Variants in PIAS2 observed in about 807,000 individuals in gnomAD.
PIAS2 encodes the protein protein inhibitor of activated STAT 2.
A neutral mutation model predicts 69.7 loss-of-function variants in PIAS2; 19 were observed. That is an observed-to-expected ratio of 0.27 (90% CI 0.19 to 0.40). PIAS2 has a LOEUF of 0.40. Among genes scored for constraint, PIAS2 ranks in the 10% least tolerant of loss-of-function variants. PIAS2 has a pLI of 1.00. For synonymous variants in PIAS2, 261 were observed against 263.2 expected (o/e 0.99, Z 0.08); for missense variants, 624 against 757.0 (o/e 0.82, Z 2.06).
intron 2 of PIAS2, among the ~76,000 whole-genome samples, chr18:46,869,003 G>A (rs1048859787): frequency 2.6e-5 from 4 of 152,200 alleles, no homozygotes; most frequent in East Asian, 1.9e-4. Flanking sequence ...AAGAAAAGTC[G>A]TGGGGGTGAC....
In PIAS2 at chr18:46,846,848, C is replaced by A. The variant is rs368046700; in HGVS notation, c.727-7G>T. ...TAGGCGGTGGTGCATAGCCCTATAA[C>A]CGTAAGAAAGAAAAATTATTTCAAA... On this transcript the variant is annotated splice_region_variant and splice_polypyrimidine_tract_variant and intron_variant, in intron 5 of 13. Transcript: ENST00000585916. 4 of 1,547,094 alleles carry A rather than the reference C, an allele frequency of 2.6e-6. No homozygotes were observed. Among genetic ancestry groups the A allele is most frequent in the Admixed American group, 2.0e-5 (1 of 49,176 alleles).
chr18:46,860,913 G>A (rs1017175058), intron 3 of PIAS2, among the ~76,000 whole-genome samples: 1 of 152,116 alleles, frequency 6.6e-6, no homozygotes, highest in African/African-American at 2.4e-5. Context: ...GGTGGTCAAG[G>A]CTGCAACAAG....
chr18:46,848,231 C>A (rs538649377), intron 5 of PIAS2, among the ~76,000 whole-genome samples: 1 of 152,276 alleles, frequency 6.6e-6, no homozygotes, highest in East Asian at 1.9e-4. Context: ...GTCACTGACA[C>A]CATTAACTGG....
intron 3 of PIAS2, among the ~76,000 whole-genome samples, chr18:46,860,517 A>G (rs1197063569): frequency 6.6e-6 from 1 of 152,222 alleles, no homozygotes; most frequent in Non-Finnish European, 1.5e-5. Flanking sequence ...AAGAGCGCTC[A>G]AAGTGGGTTT....
chr18:46,906,926 C>T (rs2146244080), intron 1 of PIAS2, among the ~76,000 whole-genome samples: 1 of 152,192 alleles, frequency 6.6e-6, no homozygotes, highest in Middle Eastern at 3.4e-3. Context: ...CATACCAACC[C>T]TCCCTGTGAG....
intron 3 of PIAS2, among the ~76,000 whole-genome samples, chr18:46,858,395 C>T (rs1252338180): frequency 6.6e-6 from 1 of 152,064 alleles, no homozygotes; most frequent in Non-Finnish European, 1.5e-5. Flanking sequence ...AATTAGGAGA[C>T]CATTACAATT....
chr18:46,819,123 C>T (rs575905984), intron 12 of PIAS2, among the ~76,000 whole-genome samples: 24 of 152,144 alleles, frequency 1.6e-4, no homozygotes, highest in South Asian at 1.5e-3. Context: ...AACAGAAATG[C>T]TCATTACCTT....
rs2041016235 is a variant in PIAS2 at position 46,811,762 on chromosome 18, T to C, written c.*671A>G. ...ATGAAGAGTAGCCAAATCCCAGAAC[T>C]TCACACAGCACTCATTAGCAAACAA... is the stretch of plus-strand genomic sequence containing the variant. On this transcript the variant is annotated 3_prime_UTR_variant, in exon 14 of 14. Transcript: ENST00000585916. 1 of 152,152 alleles carries C rather than the reference T, an allele frequency of 6.6e-6. No individual in the cohort carries two copies. The highest frequency in any genetic ancestry group is 2.4e-5 in the African/African-American group (1 of 41,412). The allele number at this position is 152,152 out of a possible 1,614,324, so 9.4% of individuals were successfully genotyped here. A position where few individuals can be genotyped will look rare whatever the true frequency, so the allele number is the denominator to read the frequency against.
At chr18:46,863,105 C>A (rs1394625347) in intron 3 of PIAS2, among the ~76,000 whole-genome samples, 3 of 152,016 alleles carry the variant, frequency 2.0e-5, no homozygotes, top group Non-Finnish European at 4.4e-5. Flanking sequence ...ATGGGTCTAC[C>A]AATACTTTTC....
intron 1 of PIAS2, among the ~76,000 whole-genome samples, chr18:46,914,198 C>A (rs139879672): frequency 3.3e-5 from 5 of 152,318 alleles, no homozygotes; most frequent in African/African-American, 1.2e-4. Flanking sequence ...ATTATTGTAA[C>A]CATCTTTGAG....
intron 3 of PIAS2, among the ~76,000 whole-genome samples, chr18:46,857,588 CT>C (rs1274227287): frequency 6.6e-6 from 1 of 151,978 alleles, no homozygotes; most frequent in Non-Finnish European, 1.5e-5. Flanking sequence ...AGATCAGAAA[CT>C]TGTTAGATGG....
intron 13 of PIAS2, 71 bp from the exon 14 acceptor site, chr18:46,812,683 T>A: frequency 1.1e-6 from 1 of 892,004 alleles, no homozygotes; most frequent in Non-Finnish European, 1.8e-6. Flanking sequence ...CTAGAAATTA[T>A]TAGATATGCA....
At chr18:46,873,979 C>A (rs2050770566) in intron 2 of PIAS2, among the ~76,000 whole-genome samples, 1 of 152,044 alleles carries the variant, frequency 6.6e-6, no homozygotes, top group Non-Finnish European at 1.5e-5. Context: ...ATGGGTGTTA[C>A]CAGATCAAAG....
intron 2 of PIAS2, among the ~76,000 whole-genome samples, chr18:46,879,719 A>G (rs1326704092): frequency 6.6e-6 from 1 of 152,228 alleles, no homozygotes; most frequent in Non-Finnish European, 1.5e-5. Context: ...GAATATTACT[A>G]TGCCTTAAAA....
At chr18:46,832,633 G>A (rs1038706479) in intron 9 of PIAS2, among the ~76,000 whole-genome samples, 1 of 152,114 alleles carries the variant, frequency 6.6e-6, no homozygotes, top group Non-Finnish European at 1.5e-5. Context: ...ACTCATGCCT[G>A]TAATCCCAGC....
At chr18:46,834,808 C>T (rs1006561038) in intron 9 of PIAS2, among the ~76,000 whole-genome samples, 1 of 152,128 alleles carries the variant, frequency 6.6e-6, no homozygotes, top group African/African-American at 2.4e-5. Flanking sequence ...AGTTTTAATA[C>T]GTAAGGCTGC....
intron 3 of PIAS2, among the ~76,000 whole-genome samples, chr18:46,859,141 A>G (rs1252174197): frequency 6.6e-6 from 1 of 152,170 alleles, no homozygotes; most frequent in Non-Finnish European, 1.5e-5. Flanking sequence ...AAAAGAATCA[A>G]TGAAGGGCCA....
chr18:46,825,561 C>T (rs954623141), intron 11 of PIAS2, among the ~76,000 whole-genome samples: 3 of 152,224 alleles, frequency 2.0e-5, no homozygotes, highest in African/African-American at 7.2e-5. Flanking sequence ...CCACTATTCA[C>T]CTTCCCGTTC....
rs1490881077 is a variant in PIAS2, at chr18:46,817,723, A to ATG, written c.1649-2376_1649-2375dup. On this transcript the variant is annotated intron_variant, in intron 12 of 13. Transcript: ENST00000585916. ...GTGCTGTCTATATAAAACCTGTTTA[A>ATG]TGTAAATATTTCTCTCACTGAAACC... The ATG allele has an allele frequency of 3.2e-6, 3 of 941,536 alleles. No homozygotes were observed. The East Asian group carries it at 3.5e-4, about 109-fold the overall frequency. 58.3% of individuals were successfully genotyped at this position (941,536 alleles called of 1,614,324 possible).
Sources: allele counts gnomAD v4.1 joint callset (sites outside exome capture counted in the v4.1 genomes callset), GRCh38; gene constraint gnomAD v4.1.1; transcripts MANE v1.5; gene names NCBI Gene and HGNC (gene_info 2026-07-23, HGNC 2026-07-21).